The following GTF2IRD1 variants were observed in gnomAD, a reference collection of about 807,000 sequenced individuals.
GTF2IRD1 encodes the protein GTF2I repeat domain containing 1.
In GTF2IRD1, 26 loss-of-function variants were observed where a neutral mutation model predicts 113.2. That is an observed-to-expected ratio of 0.23 (90% CI 0.17 to 0.32). The LOEUF is 0.32. Among genes scored for constraint, GTF2IRD1 ranks in the 10% least tolerant of loss-of-function variants. The probability of loss-of-function intolerance (pLI) is 1.00; values close to 1 mark genes in which losing one functional copy is unlikely to be tolerated. For missense variants in GTF2IRD1, 864 were observed against 1,280.8 expected, an observed-to-expected ratio of 0.67 and a Z score of 4.97; for synonymous variants, 484 against 529.1, an observed-to-expected ratio of 0.91 and a Z score of 1.17.
intron 22 of GTF2IRD1, among the ~76,000 whole-genome samples, chr7:74,561,118 G>A (rs587705496): frequency 6.6e-6 from 1 of 152,060 alleles, no homozygotes; most frequent in South Asian, 2.1e-4. Context: ...GGAAGCCAAG[G>A]CAGGAGGATC....
intron 22 of GTF2IRD1, among the ~76,000 whole-genome samples, chr7:74,586,856 T>A (rs1801743945): frequency 6.6e-6 from 1 of 152,116 alleles, no homozygotes; most frequent in Non-Finnish European, 1.5e-5. Context: ...GTTTTCAAGA[T>A]TAAAAGAGCC....
chr7:74,497,615 A>C (rs1313513922), intron 1 of GTF2IRD1, among the ~76,000 whole-genome samples: 1 of 151,816 alleles, frequency 6.6e-6, no homozygotes, highest in Non-Finnish European at 1.5e-5. Flanking sequence ...TGCCTGTACC[A>C]TTTTGCATCC....
At chr7:74,588,111 T>C (rs1480237839) in intron 22 of GTF2IRD1, among the ~76,000 whole-genome samples, 19 of 148,560 alleles carry the variant, frequency 1.3e-4, no homozygotes, top group Non-Finnish European at 2.4e-4. Context: ...CTTTTCTTTT[T>C]TTTTTTTTTT....
At chr7:74,571,943 A>G (rs1037415418) in intron 22 of GTF2IRD1, among the ~76,000 whole-genome samples, 5 of 152,084 alleles carry the variant, frequency 3.3e-5, no homozygotes, top group African/African-American at 9.7e-5. Context: ...TTTGAGGCCC[A>G]TTTTGAGAAG....
intron 22 of GTF2IRD1, among the ~76,000 whole-genome samples, chr7:74,589,242 G>C (rs1283501918): frequency 6.6e-6 from 1 of 152,116 alleles, no homozygotes; most frequent in African/African-American, 2.4e-5. Flanking sequence ...TTTATTCCCA[G>C]CTACTCAGGA....
chr7:74,513,182 C>T (rs1160790310), intron 3 of GTF2IRD1, among the ~76,000 whole-genome samples: 1 of 152,250 alleles, frequency 6.6e-6, no homozygotes, highest in African/African-American at 2.4e-5. Flanking sequence ...CAGGGTAGGC[C>T]AGAGCCAGCC....
chr7:74,515,056 C>CAAAAAAAA (rs782246030), intron 3 of GTF2IRD1, among the ~76,000 whole-genome samples: 3 of 66,814 alleles, frequency 4.5e-5, no homozygotes, highest in African/African-American at 1.1e-4. Context: ...GACTCTGTCT[C>CAAAAAAAA]AAAAAAAAAA....
intron 22 of GTF2IRD1, among the ~76,000 whole-genome samples, chr7:74,564,147 C>T (rs1280521801): frequency 6.6e-6 from 1 of 152,128 alleles, no homozygotes; most frequent in Non-Finnish European, 1.5e-5. Flanking sequence ...CTGCCTCAGC[C>T]TCCTGAGTAG....
At chr7:74,566,492 G>A (rs1554360734) in intron 22 of GTF2IRD1, among the ~76,000 whole-genome samples, 1 of 152,264 alleles carries the variant, frequency 6.6e-6, no homozygotes, top group Non-Finnish European at 1.5e-5. Context: ...ACAGGTGCCC[G>A]CCACCATGCC....
At chr7:74,515,841 T>G (rs998080824) in intron 4 of GTF2IRD1, among the ~76,000 whole-genome samples, 1 of 152,114 alleles carries the variant, frequency 6.6e-6, no homozygotes. Flanking sequence ...CACTGCCACC[T>G]CTCGCCTAGA....
At chr7:74,481,313 C>T (rs1794730070) in intron 1 of GTF2IRD1, among the ~76,000 whole-genome samples, 1 of 152,136 alleles carries the variant, frequency 6.6e-6, no homozygotes, top group Non-Finnish European at 1.5e-5. Flanking sequence ...TGCCACCACG[C>T]CCGGCTCATA....
At chr7:74,516,419 A>G (rs1204998105) in intron 4 of GTF2IRD1, among the ~76,000 whole-genome samples, 3 of 152,232 alleles carry the variant, frequency 2.0e-5, no homozygotes, top group African/African-American at 7.2e-5. Context: ...TTGCTCAGCC[A>G]TGTCTTTCCT....
intron 1 of GTF2IRD1, among the ~76,000 whole-genome samples, chr7:74,505,705 C>T (rs542868059): frequency 4.6e-5 from 7 of 152,312 alleles, no homozygotes; most frequent in East Asian, 1.9e-4. Flanking sequence ...GTTCAAGGGA[C>T]GGGCTTGCAG....
chr7:74,578,689 T>A (rs1193884496), intron 22 of GTF2IRD1, among the ~76,000 whole-genome samples: 1 of 152,160 alleles, frequency 6.6e-6, no homozygotes, highest in Non-Finnish European at 1.5e-5. Flanking sequence ...GTTTTGCTGT[T>A]ACTAAGAATG....
intron 2 of GTF2IRD1, among the ~76,000 whole-genome samples, chr7:74,510,626 G>A (rs782690288): frequency 5.9e-5 from 9 of 151,874 alleles, no homozygotes; most frequent in Non-Finnish European, 8.8e-5. Flanking sequence ...ATTCGAATTC[G>A]TTAAAACGAA....
intron 11 of GTF2IRD1, 108 bp from the exon 12 acceptor site, chr7:74,538,028 C>T (rs1798404393): frequency 2.0e-6 from 2 of 1,023,492 alleles, no homozygotes; most frequent in African/African-American, 3.1e-5. Context: ...ACAGGGATGC[C>T]TTCTGCAGTG....
At chr7:74,475,304 C>T (rs1410007411) in intron 1 of GTF2IRD1, among the ~76,000 whole-genome samples, 1 of 152,154 alleles carries the variant, frequency 6.6e-6, no homozygotes, top group Non-Finnish European at 1.5e-5. Context: ...AACCCTTGTC[C>T]ATTGGGCCTG....
At chr7:74,529,091 T>C (rs1797807295) in intron 8 of GTF2IRD1, among the ~76,000 whole-genome samples, 1 of 151,886 alleles carries the variant, frequency 6.6e-6, no homozygotes. Flanking sequence ...TACAAAGGCA[T>C]TGAACCGAGT....
chr7:74,474,705 C>T (rs543126024), intron 1 of GTF2IRD1, among the ~76,000 whole-genome samples: 88 of 152,226 alleles, frequency 5.8e-4, no homozygotes, highest in African/African-American at 1.9e-3. Context: ...AGGTGGGTTG[C>T]GAGATGCCCA....
Sources: gnomAD v4.1 joint callset for allele counts (sites outside exome capture counted in the v4.1 genomes callset) on GRCh38, gnomAD v4.1.1 for gene constraint, MANE v1.5 for transcripts, NCBI Gene and HGNC (gene_info 2026-07-23, HGNC 2026-07-21) for gene names.